The following DYSF variants were observed in gnomAD, a reference collection of about 807,000 sequenced individuals.
DYSF encodes dysferlin, also known as dystrophy-associated fer-1-like 1.
DYSF carries 212 observed loss-of-function variants against 274.9 expected under a neutral mutation model. The observed-to-expected ratio is 0.77, with a 90% CI of 0.69 to 0.86. The LOEUF is 0.86. DYSF is among the 40% of genes least tolerant of loss of function. The pLI is 0.00. For synonymous variants in DYSF, 1,091 were observed against 1,078.7 expected (o/e 1.01, Z -0.22); for missense variants, 2,666 against 2,783.2 (o/e 0.96, Z 0.95).
intron 1 of DYSF, among the ~76,000 whole-genome samples, chr2:71,456,782 C>G (rs765717709): frequency 1.3e-5 from 2 of 152,190 alleles, no homozygotes; most frequent in Non-Finnish European, 2.9e-5. Context: ...TCCCCACCCC[C>G]AACCCCTCAT....
intron 1 of DYSF, among the ~76,000 whole-genome samples, chr2:71,478,043 G>GT (rs61140655): frequency 0.058 from 7,524 of 129,084 alleles, 368 homozygotes; most frequent in African/African-American, 0.15. Flanking sequence ...GGAAGTTATA[G>GT]TTTTTTTTTT....
intron 54 of DYSF, 146 bp from the exon 55 acceptor site, chr2:71,682,384 A>G (rs1407771312): frequency 1.0e-6 from 1 of 970,770 alleles, no homozygotes; most frequent in Non-Finnish European, 1.6e-6. Context: ...GCAAGGTGCA[A>G]AGGGCTAGTT....
At chr2:71,631,507 A>G (rs1467428345) in intron 41 of DYSF, among the ~76,000 whole-genome samples, 2 of 152,178 alleles carry the variant, frequency 1.3e-5, no homozygotes, top group African/African-American at 4.8e-5. Context: ...GGGAGGTTTG[A>G]TGCCCGTCAC....
At chr2:71,499,969 C>A (rs766934072) in intron 3 of DYSF, among the ~76,000 whole-genome samples, 4 of 152,184 alleles carry the variant, frequency 2.6e-5, no homozygotes, top group Non-Finnish European at 5.9e-5. Context: ...ATCTGAGCCT[C>A]TGGAATCCTG....
intron 4 of DYSF, among the ~76,000 whole-genome samples, chr2:71,506,845 G>A (rs1043793892): frequency 2.0e-5 from 3 of 152,026 alleles, no homozygotes; most frequent in African/African-American, 7.2e-5. Flanking sequence ...TAGACCCTGA[G>A]CTCCAGAGCC....
At chr2:71,676,275 T>G (rs2095220996) in intron 52 of DYSF, among the ~76,000 whole-genome samples, 1 of 152,216 alleles carries the variant, frequency 6.6e-6, no homozygotes, top group Non-Finnish European at 1.5e-5. Flanking sequence ...ACCTGTGCCC[T>G]GTTTGTACAG....
Position 71,531,776 on chromosome 2 carries a change from G to A in DYSF, c.1381-3245G>A, listed in dbSNP as rs527450968. ...GTGATGTGTTTTATGGAGGAAGTGC[G>A]TGTGATAGGTAAGCTTCTGGCAGGC... On this transcript the variant is annotated intron_variant, in intron 14 of 55. Transcript: ENST00000410020. 1.5e-3 allele frequency among the ~76,000 whole-genome samples: 225 copies of A among 152,244 alleles called. 1 individual carries two copies. The highest frequency in any genetic ancestry group is 5.1e-3 in the African/African-American group (210 of 41,562).
intron 24 of DYSF, among the ~76,000 whole-genome samples, chr2:71,565,121 C>G (rs1368299317): frequency 3.3e-5 from 5 of 151,928 alleles, no homozygotes; most frequent in Non-Finnish European, 7.4e-5. Flanking sequence ...CATTCTATTG[C>G]CCAGGCTGGA....
At position 71,590,737 on chromosome 2, in the gene DYSF, C is replaced by A. The variant is rs569817712; in HGVS notation, c.3574+449C>A. ...TGTGACCTTGCTCCCCAGCTCCCCC[C>A]ACCCAGATCCAGGCTGCCTCTGCAT... On this transcript the variant is annotated intron_variant, in intron 32 of 55. Coordinates refer to ENST00000410020, the MANE Select transcript of DYSF (RefSeq NM_001130987.2). Among the ~76,000 whole-genome samples, 49 of 152,346 alleles carry A rather than the reference C, an allele frequency of 3.2e-4. 1 individual carries two copies. Among genetic ancestry groups the A allele is most frequent in the Admixed American group, 2.7e-3 (41 of 15,308 alleles).
At chr2:71,677,302 T>A (rs1251253778) in intron 52 of DYSF, among the ~76,000 whole-genome samples, 1 of 152,208 alleles carries the variant, frequency 6.6e-6, no homozygotes, top group Non-Finnish European at 1.5e-5. Flanking sequence ...CTGAAAAAAA[T>A]TGAAACACCT....
At chr2:71,537,412 A>G (rs908558281) in intron 16 of DYSF, among the ~76,000 whole-genome samples, 1 of 151,510 alleles carries the variant, frequency 6.6e-6, no homozygotes, top group Non-Finnish European at 1.5e-5. Flanking sequence ...CCCCTGGCTA[A>G]TTTTTGTATT....
intron 17 of DYSF, among the ~76,000 whole-genome samples, chr2:71,547,845 A>T (rs2090605358): frequency 6.6e-6 from 1 of 151,910 alleles, no homozygotes; most frequent in Admixed American, 6.6e-5. Flanking sequence ...TCTGGGTGGG[A>T]AGCCGACTTT....
intron 45 of DYSF, among the ~76,000 whole-genome samples, chr2:71,662,769 A>G (rs372233669): frequency 8.1e-5 from 10 of 123,632 alleles, no homozygotes; most frequent in East Asian, 2.5e-4. Flanking sequence ...GTGTATTTGT[A>G]TGTGTGTGTG....
rs192358316 is a variant in DYSF, at chr2:71,453,965, G to T, written c.-34G>T. 1.0e-3 allele frequency: 1,641 copies of T among 1,611,684 alleles called. 14 individuals are homozygous for T. In the African/African-American group the frequency reaches 0.019, roughly 19 times the overall value. On this transcript the variant is annotated 5_prime_UTR_variant, in exon 1 of 55. Transcript: ENST00000258104. ...CCCGACCTTTCCGAGCCCTCTTTGCGCCCTGGGCGCACGGGGCCCTACACG... is the reference window on the plus strand; with the variant it reads ...CCCGACCTTTCCGAGCCCTCTTTGCTCCCTGGGCGCACGGGGCCCTACACG...
chr2:71,526,355 G>C lies in DYSF; in HGVS notation c.1276+9G>C, dbSNP rs897697260. ...CGAGGACTTGCCGCAGAGTGCGTGG[G>C]GCGCGCCCTTGGGTGGGAGGTCTGC... On this transcript the variant is annotated intron_variant, in intron 13 of 55. Transcript: ENST00000410020. The C allele has an allele frequency of 1.2e-6, 2 of 1,612,996 alleles. No individual in the cohort carries two copies. Among genetic ancestry groups the C allele is most frequent in the African/African-American group, 2.7e-5 (2 of 74,896 alleles).
chr2:71,686,443 C>T lies in DYSF; in HGVS notation c.6322-11C>T. 1 of 1,614,086 alleles carries T rather than the reference C, an allele frequency of 6.2e-7. No homozygotes were observed. Among genetic ancestry groups the T allele is most frequent in the Non-Finnish European group, 8.5e-7 (1 of 1,180,010 alleles). On this transcript the variant is annotated splice_polypyrimidine_tract_variant and intron_variant, in intron 55 of 55. Transcript: ENST00000410020. ...GATCACCATGGGTCCCTGTCTCCTCCCTCCCTCCAGAACTATGCTGCCATG... is the reference window on the plus strand; with the variant it reads ...GATCACCATGGGTCCCTGTCTCCTCTCTCCCTCCAGAACTATGCTGCCATG...
At chr2:71,604,962 C>T (rs376317752) in intron 36 of DYSF, among the ~76,000 whole-genome samples, 1 of 152,100 alleles carries the variant, frequency 6.6e-6, no homozygotes, top group East Asian at 1.9e-4. Flanking sequence ...ACAAACTTCC[C>T]CTCTCCCAGG....
intron 55 of DYSF, 152 bp downstream of exon 55, chr2:71,682,829 TGGGGA>T: frequency 8.7e-7 from 1 of 1,151,626 alleles, no homozygotes; most frequent in Non-Finnish European, 1.2e-6. Flanking sequence ...AGCCCAGCTC[TGGGGA>T]GTCTCCAATC....
intron 43 of DYSF, among the ~76,000 whole-genome samples, chr2:71,657,354 C>G (rs905910819): frequency 3.9e-5 from 6 of 152,156 alleles, no homozygotes; most frequent in Admixed American, 2.0e-4. Flanking sequence ...CTCCTGGCTG[C>G]TTTCACAGGC....
Sources: allele counts gnomAD v4.1 joint callset (sites outside exome capture counted in the v4.1 genomes callset), GRCh38; gene constraint gnomAD v4.1.1; transcripts MANE v1.5; gene names NCBI Gene and HGNC (gene_info 2026-07-23, HGNC 2026-07-21).